The following DIAPH3 variants were observed in gnomAD, a reference collection of about 807,000 sequenced individuals.
The protein encoded by DIAPH3 is protein diaphanous homolog 3.
Under a neutral mutation model 144.3 loss-of-function variants are expected in DIAPH3, and 117 were observed. The observed-to-expected ratio is 0.81, with a 90% confidence interval of 0.70 to 0.95. DIAPH3 has a LOEUF of 0.95. Ranked by LOEUF, DIAPH3 falls within the 40% of genes least tolerant of loss-of-function variation. The pLI is 0.00. For synonymous variants in DIAPH3, 519 were observed against 488.9 expected, an observed-to-expected ratio of 1.06 and a Z score of -0.81; for missense variants, 1,421 against 1,412.7, an observed-to-expected ratio of 1.01 and a Z score of -0.09.
intron 18 of DIAPH3, among the ~76,000 whole-genome samples, chr13:59,916,723 C>T (rs984589811): frequency 3.9e-5 from 6 of 152,102 alleles, no homozygotes; most frequent in East Asian, 1.9e-4. Context: ...CTAAGCAGTA[C>T]ATTAACACTT....
intron 1 of DIAPH3, among the ~76,000 whole-genome samples, chr13:60,151,020 A>C (rs1951753320): frequency 6.6e-6 from 1 of 151,872 alleles, no homozygotes; most frequent in African/African-American, 2.4e-5. Context: ...GGCACCAAAC[A>C]AACCTCTGGT....
intron 27 of DIAPH3, among the ~76,000 whole-genome samples, chr13:59,773,376 G>C (rs2038223922): frequency 6.6e-6 from 1 of 152,056 alleles, no homozygotes; most frequent in South Asian, 2.1e-4. Flanking sequence ...AATAATTCCA[G>C]AACTTAAGTC....
At chr13:60,035,960 C>T (rs563733007) in intron 5 of DIAPH3, among the ~76,000 whole-genome samples, 7 of 152,220 alleles carry the variant, frequency 4.6e-5, no homozygotes, top group South Asian at 4.1e-4. Context: ...GCTGTTACAC[C>T]GATGACTGCC....
At position 59,810,922 on chromosome 13, in the gene DIAPH3, T is replaced by G; in HGVS notation, c.3029A>C (p.Gln1010Pro). ...TTTTTTGATATTCTCCTTTATTGCTTGCTAAAAAAATTTTGAAAAATGATC... is the reference window on the plus strand; with the variant it reads ...TTTTTTGATATTCTCCTTTATTGCTGGCTAAAAAAATTTTGAAAAATGATC... ...DLNNFRTTFM[Q>P]AIKENIKKRE... The change falls in exon 25 of 28, where the codon CAA becomes CCA. Residue 1010 changes from glutamine (Q) to proline (P), a missense_variant and splice_region_variant. By Grantham distance (76) the Gln-to-Pro change is moderately conservative. Coordinates refer to ENST00000400324, the MANE Select transcript of DIAPH3 (RefSeq NM_001042517.2). 7.5e-7 allele frequency: 1 copy of G among 1,336,166 alleles called. No homozygotes were observed. The highest frequency in any genetic ancestry group is 9.9e-7 in the Non-Finnish European group (1 of 1,014,464). The allele number at this position is 1,336,166 out of a possible 1,614,324, so 82.8% of individuals were successfully genotyped here.
Position 59,857,823 on chromosome 13 carries a change from C to T in DIAPH3, c.2737+3584G>A, listed in dbSNP as rs1179420074. On this transcript the variant is annotated intron_variant, in intron 22 of 27. Coordinates refer to ENST00000400324, the MANE Select transcript of DIAPH3 (RefSeq NM_001042517.2). Reference sequence around the variant, plus strand: ...TAGACAACATTCTTGCCACAGCTGCCACTTCCCATGGATTTAACTTAGGCA... The same window carrying T: ...TAGACAACATTCTTGCCACAGCTGCTACTTCCCATGGATTTAACTTAGGCA... 3.3e-5 allele frequency among the ~76,000 whole-genome samples: 5 copies of T among 152,248 alleles called. No homozygotes were observed. In the South Asian group the frequency reaches 8.3e-4, roughly 25 times the overall value.
At chr13:60,062,163 G>A (rs1052093894) in intron 4 of DIAPH3, among the ~76,000 whole-genome samples, 1 of 151,970 alleles carries the variant, frequency 6.6e-6, no homozygotes, top group African/African-American at 2.4e-5. Context: ...GATAAATGTT[G>A]GGTTTATCTT....
intron 27 of DIAPH3, among the ~76,000 whole-genome samples, chr13:59,703,557 T>G (rs1051021695): frequency 3.3e-5 from 5 of 152,298 alleles, no homozygotes; most frequent in Non-Finnish European, 7.4e-5. Context: ...AATTCTTAAT[T>G]TTATAGTTTG....
At chr13:60,127,075 A>G (rs1177846557) in intron 2 of DIAPH3, among the ~76,000 whole-genome samples, 1 of 152,124 alleles carries the variant, frequency 6.6e-6, no homozygotes, top group Non-Finnish European at 1.5e-5. Flanking sequence ...TCAAAAGATC[A>G]ATAAAACTGG....
At chr13:59,801,667 C>T (rs927798758) in intron 25 of DIAPH3, among the ~76,000 whole-genome samples, 5 of 152,180 alleles carry the variant, frequency 3.3e-5, no homozygotes, top group Non-Finnish European at 7.3e-5. Context: ...TCATATTCTT[C>T]CTGCCTTGGG....
intron 20 of DIAPH3, among the ~76,000 whole-genome samples, chr13:59,889,373 C>T (rs554273108): frequency 7.2e-5 from 11 of 152,130 alleles, no homozygotes; most frequent in African/African-American, 1.4e-4. Flanking sequence ...ACTCCTCTGC[C>T]ATCTCCAATA....
intron 21 of DIAPH3, among the ~76,000 whole-genome samples, chr13:59,870,330 TA>T (rs2139995074): frequency 6.6e-6 from 1 of 152,264 alleles, no homozygotes; most frequent in Admixed American, 6.5e-5. Context: ...AAATTATTTT[TA>T]TTTTTTTTCC....
rs2042203903 is a variant in DIAPH3 at position 59,839,180 on chromosome 13, T to A, written c.2862+144A>T. The A allele has an allele frequency of 6.3e-5, 53 of 840,118 alleles. No individual in the cohort carries two copies. In the South Asian group the frequency reaches 7.5e-4, roughly 12 times the overall value. The allele number at this position is 840,118 out of a possible 1,614,324, so 52.0% of individuals were successfully genotyped here. On this transcript the variant is annotated intron_variant, in intron 23 of 27. Transcript: ENST00000400324. ...ATGATTGACAGACACTTTGATAAAT[T>A]TCCCTGCAAGAAGGCAAAGGTTAAA...
At chr13:59,998,768 A>T (rs532964398) in intron 9 of DIAPH3, among the ~76,000 whole-genome samples, 5 of 152,092 alleles carry the variant, frequency 3.3e-5, no homozygotes, top group Admixed American at 2.0e-4. Flanking sequence ...ATTGGTACTT[A>T]TATATCAACC....
At chr13:59,817,205 A>G (rs2040824814) in intron 24 of DIAPH3, among the ~76,000 whole-genome samples, 1 of 151,902 alleles carries the variant, frequency 6.6e-6, no homozygotes, top group African/African-American at 2.4e-5. Flanking sequence ...TGAATTCTAT[A>G]TACACTAATC....
intron 25 of DIAPH3, among the ~76,000 whole-genome samples, chr13:59,775,891 G>T (rs1034266416): frequency 6.6e-6 from 1 of 152,172 alleles, no homozygotes; most frequent in African/African-American, 2.4e-5. Context: ...GATTATGCCT[G>T]TAATACTTAT....
At chr13:59,856,076 C>T (rs1049685307) in intron 22 of DIAPH3, among the ~76,000 whole-genome samples, 13 of 152,050 alleles carry the variant, frequency 8.5e-5, no homozygotes, top group African/African-American at 2.9e-4. Context: ...TATCCTTATA[C>T]ATGTACTACT....
intron 4 of DIAPH3, among the ~76,000 whole-genome samples, chr13:60,052,086 C>T (rs1266690600): frequency 6.6e-6 from 1 of 152,016 alleles, no homozygotes; most frequent in Non-Finnish European, 1.5e-5. Context: ...TAACCAAGGG[C>T]AGGGTTTATA....
chr13:59,879,581 T>A, intron 20 of DIAPH3, 113 bp from the exon 21 acceptor site: 1 of 1,438,052 alleles, frequency 7.0e-7, no homozygotes, highest in Non-Finnish European at 9.5e-7. Flanking sequence ...AAAGAAGAAA[T>A]ATGTCTCCTA....
chr13:60,086,034 G>C (rs1472386152), intron 4 of DIAPH3, among the ~76,000 whole-genome samples: 1 of 151,966 alleles, frequency 6.6e-6, no homozygotes, highest in Admixed American at 6.6e-5. Flanking sequence ...CTAGTAAATA[G>C]CAGTTTTTCC....
Sources: allele counts gnomAD v4.1 joint callset (sites outside exome capture counted in the v4.1 genomes callset), GRCh38; gene constraint gnomAD v4.1.1; transcripts MANE v1.5; gene names NCBI Gene and HGNC (gene_info 2026-07-23, HGNC 2026-07-21).